Variants in SH3BP2 observed in about 807,000 individuals in gnomAD.
SH3BP2 encodes the protein SH3 domain binding protein 2, also known as SH3 domain-binding protein 2.
SH3BP2 carries 38 observed loss-of-function variants against 56.2 expected under a neutral mutation model. The ratio of observed to expected loss-of-function variants is 0.68; its 90% CI spans 0.52 to 0.89. SH3BP2 has a LOEUF of 0.89. Among genes scored for constraint, SH3BP2 ranks in the 40% least tolerant of loss-of-function variants. The probability of loss-of-function intolerance (pLI) is 0.00; values close to 1 mark genes in which losing one functional copy is unlikely to be tolerated. For synonymous variants in SH3BP2, 346 were observed against 316.7 expected (o/e 1.09, Z -0.98); for missense variants, 748 against 762.6 (o/e 0.98, Z 0.23).
Position 2,831,523 on chromosome 4 carries a change from CG to C in SH3BP2, c.1242-47del. 2 of 1,439,896 alleles carry C rather than the reference CG, an allele frequency of 1.4e-6. No individual in the cohort carries two copies. Among genetic ancestry groups the C allele is most frequent in the Non-Finnish European group, 1.9e-6 (2 of 1,045,306 alleles). 89.2% of individuals were successfully genotyped at this position (1,439,896 alleles called of 1,614,324 possible). On this transcript the variant is annotated intron_variant, in intron 8 of 12. Transcript: ENST00000503393. The surrounding 1 kb of genome is among the most constrained non-coding windows in gnomAD (Gnocchi z 4.1). ...GGAGGGGAGCAGAGGGTGGCCGCCCCGTGTCTGACAGTGAAATGGTCCTGCC... is the reference window on the plus strand; with the variant it reads ...GGAGGGGAGCAGAGGGTGGCCGCCCCTGTCTGACAGTGAAATGGTCCTGCC...
At chr4:2,803,392 C>T (rs563645166) in intron 1 of SH3BP2, among the ~76,000 whole-genome samples, 6 of 152,326 alleles carry the variant, frequency 3.9e-5, no homozygotes, top group Non-Finnish European at 8.8e-5. Context: ...GGGTGCTGTC[C>T]ACTTCCAGGG....
At chr4:2,832,265 G>A (rs1577371340) in intron 10 of SH3BP2, 66 bp from the exon 11 acceptor site, 2 of 1,340,602 alleles carry the variant, frequency 1.5e-6, no homozygotes, top group Non-Finnish European at 2.1e-6. Context: ...TGGGAGCGGG[G>A]CGGGAAGGTC....
chr4:2,801,831 G>A (rs1415186753), intron 1 of SH3BP2, among the ~76,000 whole-genome samples: 1 of 152,276 alleles, frequency 6.6e-6, no homozygotes, highest in Non-Finnish European at 1.5e-5. Flanking sequence ...ATATTAGCCA[G>A]GCGTGGTGGC....
At position 2,831,516 on chromosome 4, in the gene SH3BP2, G is replaced by T. The variant is rs1724982724; in HGVS notation, c.1242-55G>T. 7.3e-7 allele frequency: 1 copy of T among 1,376,118 alleles called. No individual in the cohort carries two copies. The highest frequency in any genetic ancestry group is 1.2e-5 in the South Asian group (1 of 80,570). 85.2% of individuals were successfully genotyped at this position (1,376,118 alleles called of 1,614,324 possible). ...GGAGTGGGGAGGGGAGCAGAGGGTG[G>T]CCGCCCCGTGTCTGACAGTGAAATG... is the stretch of plus-strand genomic sequence containing the variant. On this transcript the variant is annotated intron_variant, in intron 8 of 12. Transcript: ENST00000503393. This position sits in a 1 kb window ranked among gnomAD's most constrained non-coding sequence, Gnocchi z 4.1.
At chr4:2,796,502 G>T (rs1229474195) in intron 1 of SH3BP2, 2 of 967,060 alleles carry the variant, frequency 2.1e-6, no homozygotes, top group East Asian at 2.3e-4. Flanking sequence ...ATGGATTCCG[G>T]TCACATCTGG....
chr4:2,822,569 G>A (rs574059706), intron 2 of SH3BP2, among the ~76,000 whole-genome samples: 1 of 152,292 alleles, frequency 6.6e-6, no homozygotes, highest in Non-Finnish European at 1.5e-5. Context: ...GGTAGTGGGA[G>A]CCTCCAACAG....
At position 2,831,977 on chromosome 4, in the gene SH3BP2, A is replaced by G. The variant is rs767332744; in HGVS notation, c.1405A>G (p.Arg469Gly). 7 of 1,612,992 alleles carry G rather than the reference A, an allele frequency of 4.3e-6. No individual in the cohort carries two copies. Among genetic ancestry groups the G allele is most frequent in the Non-Finnish European group, 5.1e-6 (6 of 1,180,002 alleles). ...CACCACGGAGTCCTGCGAAGTGGAA[A>G]GGTCAGCACAAAGCCCTGTGTGTGC... is the stretch of plus-strand genomic sequence containing the variant. ...VNTTESCEVERLFKATSPRGE... is the reference protein window; with the variant it reads ...VNTTESCEVEGLFKATSPRGE... The change falls in exon 10 of 13, where the codon AGG becomes GGG. Residue 469 changes from arginine to glycine, a missense_variant and splice_region_variant. This residue lies in a region of SH3BP2 where 635 missense variants were observed against 615.0 expected (regional missense o/e 1.03). Coordinates refer to ENST00000503393, the MANE Select transcript of SH3BP2 (RefSeq NM_001122681.2). The surrounding 1 kb of genome is among the most constrained non-coding windows in gnomAD (Gnocchi z 4.1).
At chr4:2,802,643 A>G (rs557980746) in intron 1 of SH3BP2, among the ~76,000 whole-genome samples, 56 of 148,692 alleles carry the variant, frequency 3.8e-4, no homozygotes, top group East Asian at 1.2e-3. Context: ...TGGTGTGTGT[A>G]TATATATATG....
Position 2,821,760 on chromosome 4 carries a change from G to A in SH3BP2, c.136+1007G>A, listed in dbSNP as rs184342081. Among the ~76,000 whole-genome samples the A allele has an allele frequency of 2.4e-3, 371 of 152,276 alleles. 1 individual carries two copies. Among genetic ancestry groups the A allele is most frequent in the Middle Eastern group, 0.01 (3 of 294 alleles). ...GAATTTCATTATGTTGCCCAGGCTG[G>A]CCTGGAGCTCCTGAGCTCAAGCGAT... On this transcript the variant is annotated intron_variant, in intron 2 of 12. Coordinates refer to ENST00000503393, the MANE Select transcript of SH3BP2 (RefSeq NM_001122681.2).
chr4:2,829,602 TCCCCTACTGCCA>T lies in SH3BP2; in HGVS notation c.701_712del (p.Leu234_Pro237del), dbSNP rs780059018. The T allele has an allele frequency of 2.5e-6, 4 of 1,610,718 alleles. No individual in the cohort carries two copies. Among genetic ancestry groups the T allele is most frequent in the Non-Finnish European group, 3.4e-6 (4 of 1,178,886 alleles). ...ACTCCTTTACCTCCAAGGGCCCCGG[TCCCCTACTGCCA>T]CCCCCGCCCCCTAAGCACGGCCTCC... On this transcript the variant is annotated inframe_deletion, in exon 8 of 13. Coordinates refer to ENST00000503393, the MANE Select transcript of SH3BP2 (RefSeq NM_001122681.2). This position sits in a 1 kb window ranked among gnomAD's most constrained non-coding sequence, Gnocchi z 4.9.
At chr4:2,825,311 T>G in intron 5 of SH3BP2, 115 bp downstream of exon 5, 2 of 854,284 alleles carry the variant, frequency 2.3e-6, no homozygotes, top group Non-Finnish European at 3.9e-6. Context: ...CTTAAAGGTT[T>G]CCTGGAGGTG....
intron 1 of SH3BP2, chr4:2,809,667 C>T: frequency 2.6e-6 from 1 of 383,222 alleles, no homozygotes; most frequent in Non-Finnish European, 3.6e-6. Flanking sequence ...AGGGCAGGGT[C>T]AGCTCCGTGG....
intron 1 of SH3BP2, chr4:2,812,383 T>C (rs1265765273): frequency 1.3e-6 from 2 of 1,550,164 alleles, no homozygotes; most frequent in Non-Finnish European, 1.7e-6. Flanking sequence ...CCTGGGCTGG[T>C]GGCCCCTGAG....
At chr4:2,796,092 C>T (rs759857207) in intron 1 of SH3BP2, among the ~76,000 whole-genome samples, 3 of 152,144 alleles carry the variant, frequency 2.0e-5, no homozygotes, top group Non-Finnish European at 4.4e-5. Flanking sequence ...CCCTCAGCCA[C>T]GGGCCAGGAG....
Position 2,818,148 on chromosome 4 carries a change from C to T in SH3BP2, c.-4-2466C>T, listed in dbSNP as rs574728837. The T allele has an allele frequency of 9.3e-4, 833 of 899,028 alleles. 1 individual carries two copies. In the African/African-American group the frequency reaches 0.014, roughly 15 times the overall value. 55.7% of individuals were successfully genotyped at this position (899,028 alleles called of 1,614,324 possible). A position where few individuals can be genotyped will look rare whatever the true frequency, so the allele number is the denominator to read the frequency against. ...GGGGGCGGGGCCGGGAGGGGCGCGC[C>T]GGGATCCTCACCTGCCCGCCCAGTC... On this transcript the variant is annotated intron_variant, in intron 1 of 12. Coordinates refer to ENST00000503393, the MANE Select transcript of SH3BP2 (RefSeq NM_001122681.2).
intron 1 of SH3BP2, among the ~76,000 whole-genome samples, chr4:2,795,398 C>T (rs911694228): frequency 1.1e-4 from 17 of 152,236 alleles, no homozygotes; most frequent in Admixed American, 1.0e-3. Context: ...GCTCTGCCCT[C>T]CTCACTCTCT....
intron 8 of SH3BP2, among the ~76,000 whole-genome samples, chr4:2,830,629 T>C (rs540646096): frequency 1.4e-3 from 209 of 152,332 alleles, no homozygotes; most frequent in African/African-American, 4.7e-3. Flanking sequence ...TCTCAAAGTG[T>C]AGAGATTACG....
In SH3BP2 at chr4:2,823,390, T is replaced by C. The variant is rs536473734; in HGVS notation, c.239+353T>C. 196 of 468,272 alleles carry C rather than the reference T, an allele frequency of 4.2e-4. 1 individual carries two copies. The Admixed American group carries it at 4.3e-3, about 10-fold the overall frequency. 29.0% of individuals were successfully genotyped at this position (468,272 alleles called of 1,614,324 possible). ...GCCCCTTCACCCACCATGACCTCTT[T>C]CCAGGCAGCCCAGACCCCAGCCAGC... On this transcript the variant is annotated intron_variant, in intron 3 of 12. Transcript: ENST00000503393.
Position 2,825,195 on chromosome 4 carries a change from A to G in SH3BP2, c.427A>G (p.Ser143Gly). 2 of 1,576,532 alleles carry G rather than the reference A, an allele frequency of 1.3e-6. No individual in the cohort carries two copies. The highest frequency in any genetic ancestry group is 1.7e-6 in the Non-Finnish European group (2 of 1,160,906). ...AAAGAAAGACCTGCCCTTGGACACC[A>G]GGTGAGCCCGGGCCCAGGGCATACC... ...HEKKDLPLDT[S>G]DSSSDTDSFY... is the part of the protein sequence containing the mutation. The change falls in exon 5 of 13, where the codon AGC becomes GGC. Residue 143 changes from serine (S) to glycine (G), a missense_variant and splice_region_variant. Physicochemically the swap from Ser to Gly is moderately conservative, Grantham distance 56. This residue lies in a region of SH3BP2 where 635 missense variants were observed against 615.0 expected (regional missense o/e 1.03). Transcript: ENST00000503393.
Sources: allele counts gnomAD v4.1 joint callset (sites outside exome capture counted in the v4.1 genomes callset), GRCh38; gene constraint gnomAD v4.1.1; regional missense constraint gnomAD v4.1.1; non-coding constraint Gnocchi (gnomAD v3.1); transcripts MANE v1.5; gene names NCBI Gene and HGNC (gene_info 2026-07-23, HGNC 2026-07-21).